MAGI3: variants seen among roughly 807,000 people sequenced by gnomAD.
MAGI3 encodes membrane associated guanylate kinase, WW and PDZ domain containing 3, also known as membrane-associated guanylate kinase, WW and PDZ domain-containing protein 3.
MAGI3 carries 43 observed loss-of-function variants against 121.8 expected under a neutral mutation model. That is an observed-to-expected ratio of 0.35 (90% CI 0.28 to 0.46). MAGI3 has a LOEUF of 0.46. MAGI3 is among the 20% of genes least tolerant of loss of function. The pLI, the probability that MAGI3 is intolerant of heterozygous loss-of-function variation, is 1.00. For synonymous variants in MAGI3, 553 were observed against 639.3 expected (o/e 0.86, Z 2.04); for missense variants, 1,547 against 1,797.3 (o/e 0.86, Z 2.52).
chr1:113,530,343 CTT>C (rs899469100), intron 1 of MAGI3, among the ~76,000 whole-genome samples: 2 of 148,266 alleles, frequency 1.3e-5, no homozygotes, highest in Admixed American at 6.7e-5. Flanking sequence ...AAAAAGACAA[CTT>C]AACGCAGGAA....
Position 113,506,198 on chromosome 1 carries a change from G to A in MAGI3, c.317-43317G>A, listed in dbSNP as rs59357042. On this transcript the variant is annotated intron_variant, in intron 1 of 20. Coordinates refer to ENST00000307546, the MANE Select transcript of MAGI3 (RefSeq NM_001142782.2). The stretch of plus-strand genomic sequence containing the variant: ...TAAGGGAGGGGTGCTTGAAGATCAT[G>A]AGAGAATAGACTGATATATTTTAGT... Among the ~76,000 whole-genome samples the A allele has an allele frequency of 2.8e-3, 426 of 152,264 alleles. 9 individuals are homozygous for A. The highest frequency in any genetic ancestry group is 0.019 in the East Asian group (99 of 5,188).
intron 2 of MAGI3, among the ~76,000 whole-genome samples, chr1:113,553,500 G>C (rs1211638888): frequency 6.6e-6 from 1 of 152,092 alleles, no homozygotes. Flanking sequence ...GCTTACCCAG[G>C]GGCCAGGAGA....
At chr1:113,603,423 A>G (rs946957083) in intron 6 of MAGI3, among the ~76,000 whole-genome samples, 2 of 152,198 alleles carry the variant, frequency 1.3e-5, no homozygotes, top group African/African-American at 4.8e-5. Context: ...TCTACCAGAC[A>G]TTCAAAGAAT....
At chr1:113,429,760 AAGT>A (rs774229376) in intron 1 of MAGI3, among the ~76,000 whole-genome samples, 1 of 152,136 alleles carries the variant, frequency 6.6e-6, no homozygotes, top group Non-Finnish European at 1.5e-5. Flanking sequence ...ACTGCAGAAA[AAGT>A]AGGGGTATTA....
chr1:113,605,506 T>A (rs979073048), intron 6 of MAGI3, among the ~76,000 whole-genome samples: 2 of 152,128 alleles, frequency 1.3e-5, no homozygotes, highest in Non-Finnish European at 2.9e-5. Context: ...GTGAGATAAT[T>A]CCCTGGAATG....
At chr1:113,531,842 C>T (rs1039304098) in intron 1 of MAGI3, among the ~76,000 whole-genome samples, 3 of 152,054 alleles carry the variant, frequency 2.0e-5, no homozygotes, top group African/African-American at 7.2e-5. Flanking sequence ...TGCAGCCACA[C>T]TAAGGAACTA....
At chr1:113,613,930 A>C (rs934032569) in intron 6 of MAGI3, among the ~76,000 whole-genome samples, 1 of 152,174 alleles carries the variant, frequency 6.6e-6, no homozygotes, top group Non-Finnish European at 1.5e-5. Flanking sequence ...AAATTCAACT[A>C]CCTTCAGTAT....
intron 1 of MAGI3, among the ~76,000 whole-genome samples, chr1:113,411,310 C>T (rs1471237367): frequency 6.6e-6 from 1 of 152,034 alleles, no homozygotes; most frequent in Non-Finnish European, 1.5e-5. Context: ...TAAATTGGCA[C>T]ATACACAAAT....
At chr1:113,622,743 C>T (rs1570954119) in intron 8 of MAGI3, 63 bp from the exon 9 acceptor site, 1 of 1,282,374 alleles carries the variant, frequency 7.8e-7, no homozygotes, top group East Asian at 2.7e-5. Context: ...AAAAGATTGA[C>T]TCTGAGTGCT....
Position 113,683,642 on chromosome 1 carries a change from CA to C in MAGI3, c.4078del (p.Arg1360GlufsTer11), listed in dbSNP as rs1557892236. ...GAACAAGGTCTCCAGAGAAAAAAAT[CA>C]AAAGAATGGTTGAGAAATCTCTTCC... is the stretch of plus-strand genomic sequence containing the variant. The part of the protein sequence containing the change: ...SRTRSPEKKI[K>X]RMVEKSLPSK... On this transcript the variant is annotated frameshift_variant, in exon 21 of 21. Transcript: ENST00000307546. LOFTEE classifies it low-confidence loss of function (END_TRUNC). 1 of 1,612,224 alleles carries C rather than the reference CA, an allele frequency of 6.2e-7. No individual in the cohort carries two copies. The highest frequency in any genetic ancestry group is 8.5e-7 in the Non-Finnish European group (1 of 1,179,234).
At position 113,651,202 on chromosome 1, in the gene MAGI3, T is replaced by G; in HGVS notation, c.2436T>G (p.Tyr812Ter). ...TAACTGTCAGACGGAAGATCTTCTA[T>G]GGAGGTGTGTGAACTTGTTCCTGCT... ...VLLTVRRKIF[Y>*]GEKQPEDDSS... is the part of the protein sequence containing the mutation. The change falls in exon 14 of 21, where the codon TAT (tyrosine) becomes TAG (stop). Residue 812 changes from tyrosine to a stop codon, truncating the protein, a stop_gained. Transcript: ENST00000307546. LOFTEE classifies it high-confidence loss of function. The G allele has an allele frequency of 2.5e-6, 4 of 1,606,328 alleles. No homozygotes were observed. The highest frequency in any genetic ancestry group is 3.4e-6 in the Non-Finnish European group (4 of 1,177,126).
intron 5 of MAGI3, among the ~76,000 whole-genome samples, chr1:113,593,377 CAA>C (rs1185631060): frequency 6.6e-6 from 1 of 151,676 alleles, no homozygotes; most frequent in Non-Finnish European, 1.5e-5. Flanking sequence ...CCTCTCTCTG[CAA>C]AAAAAATTTT....
intron 9 of MAGI3, among the ~76,000 whole-genome samples, chr1:113,637,869 A>G (rs1337148321): frequency 1.3e-5 from 2 of 152,274 alleles, no homozygotes; most frequent in Non-Finnish European, 2.9e-5. Flanking sequence ...AGGTACACCA[A>G]TCAGATGTAG....
chr1:113,634,330 G>A (rs1472346175), intron 9 of MAGI3, among the ~76,000 whole-genome samples: 1 of 152,174 alleles, frequency 6.6e-6, no homozygotes, highest in Admixed American at 6.5e-5. Context: ...GTCCTGAATG[G>A]TAATGCCTAG....
intron 1 of MAGI3, among the ~76,000 whole-genome samples, chr1:113,442,927 C>T (rs1186980086): frequency 6.6e-6 from 1 of 151,970 alleles, no homozygotes; most frequent in African/African-American, 2.4e-5. Flanking sequence ...TTATAATTTG[C>T]CCTCAGTTTA....
At chr1:113,450,512 G>T (rs1654424906) in intron 1 of MAGI3, 8 of 1,016,004 alleles carry the variant, frequency 7.9e-6, no homozygotes, top group Non-Finnish European at 1.2e-5. Context: ...TGGTGGAGGT[G>T]GTGGAGGATA....
intron 9 of MAGI3, among the ~76,000 whole-genome samples, chr1:113,640,306 G>A (rs1180533906): frequency 1.3e-5 from 2 of 152,214 alleles, no homozygotes; most frequent in African/African-American, 2.4e-5. Flanking sequence ...TTCAATTAAT[G>A]TGGAAGACAG....
chr1:113,534,878 C>T (rs1026597704), intron 1 of MAGI3, among the ~76,000 whole-genome samples: 7 of 151,808 alleles, frequency 4.6e-5, no homozygotes, highest in African/African-American at 1.7e-4. Context: ...TCCATGTTTT[C>T]TTGTACATAA....
intron 11 of MAGI3, among the ~76,000 whole-genome samples, chr1:113,645,549 G>A (rs918001853): frequency 3.9e-5 from 6 of 152,000 alleles, no homozygotes; most frequent in Non-Finnish European, 5.9e-5. Flanking sequence ...AACTTTAACC[G>A]CCTCTGACAG....
Sources: gnomAD v4.1 joint callset for allele counts (sites outside exome capture counted in the v4.1 genomes callset) on GRCh38, gnomAD v4.1.1 for gene constraint, MANE v1.5 for transcripts, NCBI Gene and HGNC (gene_info 2026-07-23, HGNC 2026-07-21) for gene names.